LTBP1: variants seen among roughly 807,000 people sequenced by gnomAD.
The protein encoded by LTBP1 is latent-transforming growth factor beta-binding protein 1.
LTBP1 carries 129 observed loss-of-function variants against 207.6 expected under a neutral mutation model. The ratio of observed to expected loss-of-function variants is 0.62; its 90% confidence interval spans 0.54 to 0.72. LTBP1 has a LOEUF of 0.72. Ranked by LOEUF, LTBP1 falls within the 30% of genes least tolerant of loss-of-function variation. The pLI is 0.00. For synonymous variants in LTBP1, 963 were observed against 833.7 expected, an observed-to-expected ratio of 1.16 and a Z score of -2.67; for missense variants, 2,281 against 2,217.2, an observed-to-expected ratio of 1.03 and a Z score of -0.58.
rs959654244 is a variant in LTBP1, at chr2:33,397,388, G to A, written c.4984+106G>A. 23 of 1,279,154 alleles carry A rather than the reference G, an allele frequency of 1.8e-5. No individual in the cohort carries two copies. In the Admixed American group the frequency reaches 3.4e-4, roughly 19 times the overall value. The allele number at this position is 1,279,154 out of a possible 1,614,324, so 79.2% of individuals were successfully genotyped here. A position where few individuals can be genotyped will look rare whatever the true frequency, so the allele number is the denominator to read the frequency against. On this transcript the variant is annotated intron_variant, in intron 33 of 33. Coordinates refer to ENST00000404816, the MANE Select transcript of LTBP1 (RefSeq NM_206943.4). Reference sequence around the variant, plus strand: ...GATTTGCTGAGTTTCAGTTTGAGAAGATGAGAAAAGTTCTGGAGATGTACA... The same window carrying A: ...GATTTGCTGAGTTTCAGTTTGAGAAAATGAGAAAAGTTCTGGAGATGTACA...
At chr2:33,295,936 A>G (rs913398574) in intron 20 of LTBP1, among the ~76,000 whole-genome samples, 3 of 152,330 alleles carry the variant, frequency 2.0e-5, no homozygotes, top group South Asian at 2.1e-4. Flanking sequence ...CAACAGAGCA[A>G]CAGTGGATCT....
intron 12 of LTBP1, among the ~76,000 whole-genome samples, chr2:33,258,125 T>C (rs2092912580): frequency 6.6e-6 from 1 of 152,190 alleles, no homozygotes; most frequent in Non-Finnish European, 1.5e-5. Flanking sequence ...GTTTAAGGCT[T>C]ATACTTGAGA....
intron 4 of LTBP1, among the ~76,000 whole-genome samples, chr2:33,116,646 T>C (rs2080763368): frequency 1.3e-5 from 2 of 152,112 alleles, no homozygotes; most frequent in South Asian, 4.2e-4. Context: ...ATGTTTTATA[T>C]GGTAACTTCT....
intron 3 of LTBP1, among the ~76,000 whole-genome samples, chr2:33,078,862 C>CTTTTCTTTTTTTTTTTTTTT (rs1367646259): frequency 1.0e-4 from 11 of 106,888 alleles, no homozygotes; most frequent in Non-Finnish European, 1.5e-4. Flanking sequence ...CTTTTCTTTT[C>CTTTTCTTTTTTTTTTTTTTT]TTTTTTTTTT....
At chr2:33,021,296 A>G in intron 3 of LTBP1, 90 bp downstream of exon 3, 1 of 1,216,960 alleles carries the variant, frequency 8.2e-7, no homozygotes, top group South Asian at 1.7e-5. Context: ...TTCCTGCACA[A>G]TTTGCAGAAA....
intron 3 of LTBP1, among the ~76,000 whole-genome samples, chr2:33,036,493 T>C (rs913387001): frequency 6.6e-6 from 1 of 151,938 alleles, no homozygotes; most frequent in African/African-American, 2.4e-5. Flanking sequence ...AGTCTCACTC[T>C]GTCACCCAGG....
chr2:33,088,708 A>G (rs540196395), intron 3 of LTBP1, among the ~76,000 whole-genome samples: 3 of 152,322 alleles, frequency 2.0e-5, no homozygotes, highest in Admixed American at 6.5e-5. Flanking sequence ...CAGGTACATA[A>G]AGGTAGCAAG....
chr2:33,011,423 G>A (rs374400333), intron 2 of LTBP1, among the ~76,000 whole-genome samples: 3 of 152,116 alleles, frequency 2.0e-5, no homozygotes, highest in Non-Finnish European at 4.4e-5. Flanking sequence ...CTTTAAAGAG[G>A]TAATTAAGTT....
chr2:33,159,200 A>G (rs1041737913), intron 5 of LTBP1, among the ~76,000 whole-genome samples: 15 of 152,190 alleles, frequency 9.9e-5, no homozygotes, highest in African/African-American at 3.6e-4. Context: ...TGAGCAGTAT[A>G]CTTGCTGCTG....
At chr2:33,299,289 A>C (rs1052813889) in intron 20 of LTBP1, among the ~76,000 whole-genome samples, 1 of 152,054 alleles carries the variant, frequency 6.6e-6, no homozygotes, top group African/African-American at 2.4e-5. Flanking sequence ...GGTAATTGTC[A>C]ATAATACTTG....
chr2:32,959,687 C>T (rs1167640838), intron 2 of LTBP1, among the ~76,000 whole-genome samples: 14 of 136,702 alleles, frequency 1.0e-4, no homozygotes, highest in Non-Finnish European at 2.1e-4. Flanking sequence ...GTGGCGTGAT[C>T]TCAGCTCACG....
intron 24 of LTBP1, among the ~76,000 whole-genome samples, chr2:33,320,382 G>T (rs552491010): frequency 6.8e-6 from 1 of 148,046 alleles, no homozygotes; most frequent in Admixed American, 6.7e-5. Context: ...AAAAAAAAGC[G>T]TGATAAACTC....
intron 20 of LTBP1, among the ~76,000 whole-genome samples, chr2:33,294,457 A>G (rs2093835080): frequency 6.6e-6 from 1 of 151,956 alleles, no homozygotes; most frequent in Admixed American, 6.6e-5. Flanking sequence ...TAGGCCTCCC[A>G]AATTGCTGAG....
At chr2:33,203,061 G>A (rs2089490593) in intron 7 of LTBP1, among the ~76,000 whole-genome samples, 1 of 115,188 alleles carries the variant, frequency 8.7e-6, no homozygotes, top group African/African-American at 3.4e-5. Context: ...ATTTAATTGA[G>A]TGTTACTGAG....
Position 33,273,590 on chromosome 2 carries a change from T to G in LTBP1, c.2618-66T>G, listed in dbSNP as rs111391856. ...GGTCAGGAAACTCAAAGTAATACTTTGAGAGTAGCAGTGAAATCTGTTCAT... is the reference window on the plus strand; with the variant it reads ...GGTCAGGAAACTCAAAGTAATACTTGGAGAGTAGCAGTGAAATCTGTTCAT... On this transcript the variant is annotated intron_variant, in intron 15 of 33. Coordinates refer to ENST00000404816, the MANE Select transcript of LTBP1 (RefSeq NM_206943.4). 17 of 1,330,766 alleles carry G rather than the reference T, an allele frequency of 1.3e-5. 1 individual carries two copies. In the African/African-American group the frequency reaches 1.6e-4, roughly 13 times the overall value. The allele number at this position is 1,330,766 out of a possible 1,614,324, so 82.4% of individuals were successfully genotyped here. A position where few individuals can be genotyped will look rare whatever the true frequency, so the allele number is the denominator to read the frequency against.
intron 31 of LTBP1, among the ~76,000 whole-genome samples, chr2:33,375,566 C>T (rs933984344): frequency 2.0e-5 from 3 of 151,926 alleles, no homozygotes; most frequent in African/African-American, 4.9e-5. Flanking sequence ...CTCGCTCTGT[C>T]GCCCAGGCTG....
chr2:33,027,411 A>C (rs954160207), intron 3 of LTBP1, among the ~76,000 whole-genome samples: 4 of 152,218 alleles, frequency 2.6e-5, no homozygotes, highest in African/African-American at 9.6e-5. Flanking sequence ...TACAGTATAC[A>C]GTATTATTTA....
intron 2 of LTBP1, among the ~76,000 whole-genome samples, chr2:33,002,964 G>A (rs556884738): frequency 2.0e-5 from 3 of 152,246 alleles, no homozygotes; most frequent in Admixed American, 1.3e-4. Context: ...AGGCGTAAGC[G>A]ACCGTGCCTG....
At chr2:32,983,983 A>G (rs1276911433) in intron 2 of LTBP1, among the ~76,000 whole-genome samples, 5 of 152,158 alleles carry the variant, frequency 3.3e-5, no homozygotes, top group Non-Finnish European at 5.9e-5. Context: ...GTACTGCATA[A>G]TTTTCATCTA....
Sources: allele counts gnomAD v4.1 joint callset (sites outside exome capture counted in the v4.1 genomes callset), GRCh38; gene constraint gnomAD v4.1.1; transcripts MANE v1.5; gene names NCBI Gene and HGNC (gene_info 2026-07-23, HGNC 2026-07-21).